Variants in MGMT observed in about 807,000 individuals in gnomAD.
MGMT encodes O-6-methylguanine-DNA methyltransferase, also known as methylated-DNA--protein-cysteine methyltransferase.
A neutral mutation model predicts 15.9 loss-of-function variants in MGMT; 14 were observed. The observed-to-expected ratio is 0.88, with a 90% CI of 0.58 to 1.37. MGMT has a LOEUF of 1.37. MGMT is among the 40% of genes most tolerant of loss of function. The pLI, the probability that MGMT is intolerant of heterozygous loss-of-function variation, is 0.00. For missense variants in MGMT, 282 were observed against 268.1 expected, an observed-to-expected ratio of 1.05 and a Z score of -0.36; for synonymous variants, 130 against 118.2, an observed-to-expected ratio of 1.10 and a Z score of -0.65.
intron 1 of MGMT, among the ~76,000 whole-genome samples, chr10:129,516,188 A>G (rs1191227368): frequency 2.0e-5 from 3 of 152,220 alleles, no homozygotes; most frequent in East Asian, 1.9e-4. Context: ...GTTCCAGCCA[A>G]TAGCCCAGGC....
At chr10:129,700,919 C>A (rs1274128262) in intron 2 of MGMT, 1 of 152,188 alleles carries the variant, frequency 6.6e-6, no homozygotes, top group African/African-American at 2.4e-5. Context: ...CGTGGATAAT[C>A]TTTGGCTGAA....
At chr10:129,606,344 A>G (rs1204139135) in intron 2 of MGMT, among the ~76,000 whole-genome samples, 2 of 152,168 alleles carry the variant, frequency 1.3e-5, no homozygotes, top group Admixed American at 1.3e-4. Context: ...CGTGTACTGA[A>G]GTGGGAGAGA....
intron 1 of MGMT, among the ~76,000 whole-genome samples, chr10:129,500,829 A>C (rs11016814): frequency 0.2 from 29,910 of 152,148 alleles, 3,317 homozygotes; most frequent in Non-Finnish European, 0.25. Context: ...GGGATTACAG[A>C]CATGAGCCAC....
At chr10:129,629,858 C>T (rs1219427529) in intron 2 of MGMT, among the ~76,000 whole-genome samples, 1 of 152,124 alleles carries the variant, frequency 6.6e-6, no homozygotes, top group Non-Finnish European at 1.5e-5. Flanking sequence ...CCCAACCCAT[C>T]CCTCCTAGTG....
chr10:129,653,857 C>A (rs901956463), intron 2 of MGMT, among the ~76,000 whole-genome samples: 5 of 152,124 alleles, frequency 3.3e-5, no homozygotes, highest in Admixed American at 1.3e-4. Flanking sequence ...GTCAGGTGGG[C>A]TAGGGGCAGG....
chr10:129,518,337 T>TACACACACACACACACACACACACAC (rs61316662), intron 1 of MGMT, among the ~76,000 whole-genome samples: 44 of 119,652 alleles, frequency 3.7e-4, no homozygotes, highest in African/African-American at 8.4e-4. Context: ...TACACACACA[T>TACACACACACACACACACACACACAC]ACACACACAC....
intron 2 of MGMT, among the ~76,000 whole-genome samples, chr10:129,639,509 A>G (rs1466189410): frequency 6.6e-6 from 1 of 152,228 alleles, no homozygotes; most frequent in African/African-American, 2.4e-5. Flanking sequence ...TACTAACTTG[A>G]TGTAATTAAC....
At chr10:129,657,707 GCACACACACACA>G (rs57838117) in intron 2 of MGMT, among the ~76,000 whole-genome samples, 4 of 111,470 alleles carry the variant, frequency 3.6e-5, no homozygotes, top group East Asian at 2.4e-4. Context: ...ACACACACAC[GCACACACACACA>G]CACACACACC....
At chr10:129,668,836 T>G (rs1041151259) in intron 2 of MGMT, among the ~76,000 whole-genome samples, 1 of 152,156 alleles carries the variant, frequency 6.6e-6, no homozygotes, top group Non-Finnish European at 1.5e-5. Flanking sequence ...AAAATCTTTT[T>G]CTTCTTGAAA....
intron 1 of MGMT, among the ~76,000 whole-genome samples, chr10:129,484,914 G>A (rs1845393510): frequency 6.6e-6 from 1 of 151,716 alleles, no homozygotes; most frequent in Non-Finnish European, 1.5e-5. Context: ...GTGTATATAT[G>A]TATGTGTGTG....
intron 3 of MGMT, among the ~76,000 whole-genome samples, chr10:129,745,437 G>A (rs888010285): frequency 6.6e-6 from 1 of 151,928 alleles, no homozygotes; most frequent in Non-Finnish European, 1.5e-5. Context: ...CAACTGCGAC[G>A]TGTTCTCCAA....
intron 2 of MGMT, among the ~76,000 whole-genome samples, chr10:129,581,835 A>G (rs1455656161): frequency 6.6e-6 from 1 of 152,238 alleles, no homozygotes; most frequent in Admixed American, 6.5e-5. Context: ...TTTCCGGGGT[A>G]TCCCCTGGCT....
intron 1 of MGMT, among the ~76,000 whole-genome samples, chr10:129,513,238 G>T (rs577113546): frequency 1.3e-5 from 2 of 151,662 alleles, no homozygotes; most frequent in Admixed American, 6.8e-5. Flanking sequence ...GTGCTGGGGG[G>T]TGGGGAGAGC....
At chr10:129,752,823 A>G (rs1469009716) in intron 3 of MGMT, among the ~76,000 whole-genome samples, 1 of 152,122 alleles carries the variant, frequency 6.6e-6, no homozygotes, top group Non-Finnish European at 1.5e-5. Context: ...GCTTTTGGCT[A>G]ATAAACATAT....
At chr10:129,593,703 G>A (rs922819395) in intron 2 of MGMT, among the ~76,000 whole-genome samples, 6 of 152,140 alleles carry the variant, frequency 3.9e-5, no homozygotes, top group African/African-American at 9.7e-5. Flanking sequence ...AGCAGCTTTC[G>A]GGCATGTGTG....
At chr10:129,488,067 G>A (rs973024124) in intron 1 of MGMT, among the ~76,000 whole-genome samples, 1 of 150,242 alleles carries the variant, frequency 6.7e-6, no homozygotes, top group Non-Finnish European at 1.5e-5. Flanking sequence ...GGTTAGTAGT[G>A]GGAAGCCAAG....
At position 129,720,459 on chromosome 10, in the gene MGMT, C is replaced by T. The variant is rs376622759; in HGVS notation, c.274+12416C>T. Among the ~76,000 whole-genome samples the T allele has an allele frequency of 7.8e-4, 119 of 152,324 alleles. 2 individuals are homozygous for T. Among genetic ancestry groups the T allele is most frequent in the African/African-American group, 2.6e-3 (109 of 41,580 alleles). ...CTCTCCCCCAACCCTCCCACAGCACCGGGCTGTCTGCTCTGTGCTTCACTC... is the reference window on the plus strand; with the variant it reads ...CTCTCCCCCAACCCTCCCACAGCACTGGGCTGTCTGCTCTGTGCTTCACTC... On this transcript the variant is annotated intron_variant, in intron 3 of 4. Transcript: ENST00000651593.
chr10:129,737,895 G>T (rs891087924), intron 3 of MGMT, among the ~76,000 whole-genome samples: 2 of 152,214 alleles, frequency 1.3e-5, no homozygotes, highest in African/African-American at 2.4e-5. Flanking sequence ...CCCACTTGAG[G>T]AGGCAGTCTG....
At chr10:129,668,613 C>T (rs1488513514) in intron 2 of MGMT, among the ~76,000 whole-genome samples, 1 of 152,134 alleles carries the variant, frequency 6.6e-6, no homozygotes, top group East Asian at 1.9e-4. Flanking sequence ...GCTTATTCTC[C>T]CACCATACCG....
Sources: gnomAD v4.1 joint callset for allele counts (sites outside exome capture counted in the v4.1 genomes callset) on GRCh38, gnomAD v4.1.1 for gene constraint, MANE v1.5 for transcripts, NCBI Gene and HGNC (gene_info 2026-07-23, HGNC 2026-07-21) for gene names.